Variants in PARD3 observed in about 807,000 individuals in gnomAD.
The protein encoded by PARD3 is par-3 family cell polarity regulator.
In PARD3, 75 loss-of-function variants were observed where a neutral mutation model predicts 155.4. The observed-to-expected ratio is 0.48, with a 90% confidence interval of 0.40 to 0.58. The LOEUF is 0.58. Among genes scored for constraint, PARD3 ranks in the 20% least tolerant of loss-of-function variants. PARD3 has a pLI of 0.00. For missense variants in PARD3, 1,642 were observed against 1,721.7 expected, an observed-to-expected ratio of 0.95 and a Z score of 0.82; for synonymous variants, 576 against 610.5, an observed-to-expected ratio of 0.94 and a Z score of 0.83.
chr10:34,282,172 A>G (rs372360151), intron 21 of PARD3, among the ~76,000 whole-genome samples: 5 of 148,880 alleles, frequency 3.4e-5, no homozygotes, highest in South Asian at 4.2e-4. Flanking sequence ...TACAAAATCC[A>G]TAAGTTTAAA....
chr10:34,460,420 AT>A (rs1315402448), intron 4 of PARD3, among the ~76,000 whole-genome samples: 35 of 152,340 alleles, frequency 2.3e-4, no homozygotes, highest in African/African-American at 7.9e-4. Context: ...AATTCAGCAC[AT>A]TTATATCACA....
At position 34,687,846 on chromosome 10, in the gene PARD3, C is replaced by CTTTTTTTTTTTTT. The variant is rs397846339; in HGVS notation, c.222+8459_222+8471dup. Among the ~76,000 whole-genome samples, 79 of 63,712 alleles carry CTTTTTTTTTTTTT rather than the reference C, an allele frequency of 1.2e-3. 15 individuals carry two copies. The highest frequency in any genetic ancestry group is 4.3e-3 in the African/African-American group (60 of 13,808). The allele number at this position is 63,712 out of a possible 152,430, so 41.8% of individuals were successfully genotyped here. ...ATGCCCGGTCAGTTACACCTGAAAT[C>CTTTTTTTTTTTTT]TTTTTTTTTTTTTTTTTTTTTTTTT... On this transcript the variant is annotated intron_variant, in intron 2 of 24. Transcript: ENST00000374788.
At chr10:34,566,770 T>C (rs959859800) in intron 2 of PARD3, among the ~76,000 whole-genome samples, 1 of 152,180 alleles carries the variant, frequency 6.6e-6, no homozygotes, top group African/African-American at 2.4e-5. Context: ...TTTTTTACAA[T>C]TGGCACCATC....
chr10:34,734,984 T>TG (rs34568689), intron 1 of PARD3, among the ~76,000 whole-genome samples: 38,906 of 128,878 alleles, frequency 0.3, 6,274 homozygotes, highest in Non-Finnish European at 0.4. Context: ...AAAGGGCTTA[T>TG]GGGAAAAAAA....
chr10:34,359,370 A>C, intron 13 of PARD3, 53 bp from the exon 14 acceptor site: 1 of 1,316,230 alleles, frequency 7.6e-7, no homozygotes, highest in Non-Finnish European at 1.1e-6. Flanking sequence ...GCTATAAAAG[A>C]AGTAGCTTTT....
At chr10:34,279,706 C>T (rs993492252) in intron 21 of PARD3, among the ~76,000 whole-genome samples, 3 of 151,988 alleles carry the variant, frequency 2.0e-5, no homozygotes, top group East Asian at 1.9e-4. Flanking sequence ...AGAGAGGAAA[C>T]GGCATGCAGA....
intron 3 of PARD3, among the ~76,000 whole-genome samples, chr10:34,497,971 C>T (rs1015722820): frequency 6.6e-6 from 1 of 152,074 alleles, no homozygotes; most frequent in African/African-American, 2.4e-5. Context: ...AAGTAATATA[C>T]AAAAACCGTG....
At chr10:34,640,001 G>A (rs555555945) in intron 2 of PARD3, among the ~76,000 whole-genome samples, 1 of 152,290 alleles carries the variant, frequency 6.6e-6, no homozygotes, top group South Asian at 2.1e-4. Flanking sequence ...ATAAAAGACA[G>A]ACATGCCCTT....
chr10:34,433,408 G>C (rs1207385858), intron 5 of PARD3, among the ~76,000 whole-genome samples: 3 of 152,096 alleles, frequency 2.0e-5, no homozygotes, highest in Non-Finnish European at 4.4e-5. Flanking sequence ...TTTGAATCAA[G>C]ACCTATTTTT....
Position 34,111,380 on chromosome 10 carries a change from A to T in PARD3, c.3851T>A (p.Leu1284His). Residue 1284 changes from leucine to histidine, a missense_variant, in exon 25 of 25, where the codon CTT (leucine) becomes CAT (histidine). Transcript: ENST00000374788. Reference protein sequence around the residue: ...ARVMLETQELLRQEQRRKEQQ... With the variant: ...ARVMLETQELHRQEQRRKEQQ... Reference sequence around the variant, plus strand: ...CTCCTTCCGCCTCTGTTCCTGGCGAAGGAGCTCCTGAGTTTCCAGCATGAC... The same window carrying T: ...CTCCTTCCGCCTCTGTTCCTGGCGATGGAGCTCCTGAGTTTCCAGCATGAC... 6.2e-7 allele frequency: 1 copy of T among 1,614,050 alleles called. No homozygotes were observed. Among genetic ancestry groups the T allele is most frequent in the Non-Finnish European group, 8.5e-7 (1 of 1,179,958 alleles).
In PARD3 at chr10:34,348,075, A is replaced by G. The variant is rs761636060; in HGVS notation, c.2108T>C (p.Ile703Thr). 8.7e-6 allele frequency: 14 copies of G among 1,612,582 alleles called. No individual in the cohort carries two copies. The East Asian group carries it at 8.9e-5, about 10-fold the overall frequency. Residue 703 changes from isoleucine to threonine, a missense_variant, in exon 15 of 25, where the codon ATT becomes ACT. This residue lies in a region of PARD3 where 1,529 missense variants were observed against 1,587.3 expected (regional missense o/e 0.96). Transcript: ENST00000374788. Reference protein sequence around the residue: ...PGSPPGPELPIETALDDRERR... With the variant: ...PGSPPGPELPTETALDDRERR... ...TTCTCTATCATCCAACGCTGTTTCA[A>G]TGGGCAGCTCAGGTCCAGGGGGGCT...
intron 20 of PARD3, among the ~76,000 whole-genome samples, chr10:34,309,516 C>T (rs1957585798): frequency 8.7e-6 from 1 of 114,718 alleles, no homozygotes; most frequent in Non-Finnish European, 1.6e-5. Flanking sequence ...ATGATTGCAC[C>T]ACTGTACTCC....
At chr10:34,676,000 A>C (rs1200756739) in intron 2 of PARD3, 1 of 152,978 alleles carries the variant, frequency 6.5e-6, no homozygotes, top group Non-Finnish European at 1.5e-5. Context: ...AAGCAGTGTT[A>C]ACAACCATCA....
intron 19 of PARD3, among the ~76,000 whole-genome samples, chr10:34,326,209 T>C (rs2134194709): frequency 6.6e-6 from 1 of 151,956 alleles, no homozygotes; most frequent in East Asian, 1.9e-4. Flanking sequence ...CACTTTCTGC[T>C]AAGTTACATT....
At chr10:34,336,875 TGA>T (rs1836247520) in intron 17 of PARD3, among the ~76,000 whole-genome samples, 1 of 152,142 alleles carries the variant, frequency 6.6e-6, no homozygotes, top group East Asian at 1.9e-4. Context: ...AGACATGGAT[TGA>T]GATAATGGTT....
At chr10:34,649,485 T>C (rs2092942177) in intron 2 of PARD3, among the ~76,000 whole-genome samples, 1 of 152,334 alleles carries the variant, frequency 6.6e-6, no homozygotes, top group South Asian at 2.1e-4. Flanking sequence ...TGGTAAGTAT[T>C]TGTGCATCCA....
intron 2 of PARD3, among the ~76,000 whole-genome samples, chr10:34,633,259 C>CA (rs2092343231): frequency 2.0e-5 from 3 of 151,662 alleles, no homozygotes; most frequent in South Asian, 2.1e-4. Flanking sequence ...AACAGAGCTC[C>CA]AAAAAAAAGA....
At chr10:34,503,712 T>C (rs758729123) in intron 3 of PARD3, among the ~76,000 whole-genome samples, 1 of 152,142 alleles carries the variant, frequency 6.6e-6, no homozygotes, top group Non-Finnish European at 1.5e-5. Context: ...AGTGGGAAAG[T>C]GACTTATAGC....
chr10:34,452,353 T>C (rs2077106210), intron 4 of PARD3, among the ~76,000 whole-genome samples: 1 of 152,142 alleles, frequency 6.6e-6, no homozygotes, highest in South Asian at 2.1e-4. Flanking sequence ...ATAATGGAAA[T>C]AGAACTAATA....
Sources: gnomAD v4.1 joint callset for allele counts (sites outside exome capture counted in the v4.1 genomes callset) on GRCh38, gnomAD v4.1.1 for gene constraint, gnomAD v4.1.1 regional missense constraint, MANE v1.5 for transcripts, NCBI Gene and HGNC (gene_info 2026-07-23, HGNC 2026-07-21) for gene names.